FBXO2: variants seen among roughly 807,000 people sequenced by gnomAD.
FBXO2 encodes F-box protein 2, also known as F-box only protein 2.
In FBXO2, 32 loss-of-function variants were observed where a neutral mutation model predicts 38.6. That is an observed-to-expected ratio of 0.83 (90% CI 0.62 to 1.11). The LOEUF (loss-of-function observed/expected upper bound fraction) is 1.11. Among genes scored for constraint, FBXO2 ranks in the 50% most tolerant of loss-of-function variants. The pLI is 0.00. For synonymous variants in FBXO2, 189 were observed against 182.9 expected (o/e 1.03, Z -0.27); for missense variants, 450 against 418.3 (o/e 1.08, Z -0.66).
rs766585443 is a variant in FBXO2, at chr1:11,648,736, G to A, written c.849C>T (p.Phe283=). The A allele has an allele frequency of 6.2e-7, 1 of 1,613,496 alleles. No individual in the cohort carries two copies. ...GQDSVYWKGW[F]GARVTNSSVW... is the part of the protein sequence containing the mutation. ...CGCTGCTGTTGGTCACCCGGGCCCC[G>A]AACCAGCCCTTCCAGTAGACGGAGT... Residue 283 remains phenylalanine, a synonymous_variant, in exon 6 of 6, where the codon TTC becomes TTT. Transcript: ENST00000354287. The surrounding 1 kb of genome is among the most constrained non-coding windows in gnomAD (Gnocchi z 4.2).
At chr1:11,651,526 C>T (rs1639520083) in intron 1 of FBXO2, among the ~76,000 whole-genome samples, 1 of 152,108 alleles carries the variant, frequency 6.6e-6, no homozygotes. Context: ...TATTGCTGTT[C>T]TTATTGCATT....
intron 4 of FBXO2, 33 bp from the exon 5 acceptor site, chr1:11,649,258 G>C: frequency 3.6e-6 from 5 of 1,406,680 alleles, no homozygotes; most frequent in Non-Finnish European, 4.8e-6. Context: ...GTGGGGGGCG[G>C]GAGGTGGGGT....
rs1047466466 is a variant in FBXO2 at position 11,650,391 on chromosome 1, C to T, written c.391+75G>A. The T allele has an allele frequency of 3.3e-6, 5 of 1,533,888 alleles. No homozygotes were observed. In the African/African-American group the frequency reaches 5.4e-5, roughly 17 times the overall value. On this transcript the variant is annotated intron_variant, in intron 2 of 5. Coordinates refer to ENST00000354287, the MANE Select transcript of FBXO2 (RefSeq NM_012168.6). ...GCCAGGCGCTTAATCCCATTTCTCC[C>T]TCAAAGCCAGGCGGCGCCGTTTCGG... is the stretch of plus-strand genomic sequence containing the variant.
rs373387055 is a variant in FBXO2 at position 11,649,809 on chromosome 1, G to T, written c.587C>A (p.Thr196Lys). 8.7e-6 allele frequency: 14 copies of T among 1,613,834 alleles called. No individual in the cohort carries two copies. The highest frequency in any genetic ancestry group is 1.3e-5 in the African/African-American group (1 of 74,918). The change falls in exon 4 of 6, where the codon ACG becomes AAG. Residue 196 changes from threonine to lysine, a missense_variant. Thr to Lys is a moderately conservative substitution (Grantham distance 78). Coordinates refer to ENST00000354287, the MANE Select transcript of FBXO2 (RefSeq NM_012168.6). Reference protein sequence around the residue: ...AEGYWEELLDTTQPAIVVKDW... With the variant: ...AEGYWEELLDKTQPAIVVKDW... ...CTTCACCACGATGGCCGGCTGAGTC[G>T]TGTCCAGCAGCTCCTCCCAGTAGCC...
Position 11,648,920 on chromosome 1 carries a change from C to A in FBXO2, c.757-92G>T. On this transcript the variant is annotated intron_variant, in intron 5 of 5. Transcript: ENST00000354287. This position sits in a 1 kb window ranked among gnomAD's most constrained non-coding sequence, Gnocchi z 4.2. Reference sequence around the variant, plus strand: ...TACACCGACCGACCTGCAGCTCCCCCACTCGGTTTCTCCGCGGTATTCAGA... The same window carrying A: ...TACACCGACCGACCTGCAGCTCCCCAACTCGGTTTCTCCGCGGTATTCAGA... 5.1e-6 allele frequency: 8 copies of A among 1,557,664 alleles called. No individual in the cohort carries two copies. Among genetic ancestry groups the A allele is most frequent in the Non-Finnish European group, 7.0e-6 (8 of 1,141,638 alleles).
Position 11,648,751 on chromosome 1 carries a change from G to A in FBXO2, c.834C>T (p.Tyr278=), listed in dbSNP as rs755460999. 5.0e-6 allele frequency: 8 copies of A among 1,613,666 alleles called. No homozygotes were observed. In the South Asian group the frequency reaches 6.6e-5, roughly 13 times the overall value. The change falls in exon 6 of 6, where the codon TAC becomes TAT. Residue 278 remains tyrosine (Y), a synonymous_variant. Coordinates refer to ENST00000354287, the MANE Select transcript of FBXO2 (RefSeq NM_012168.6). This position sits in a 1 kb window ranked among gnomAD's most constrained non-coding sequence, Gnocchi z 4.2. Reference sequence around the variant, plus strand: ...CCCGGGCCCCGAACCAGCCCTTCCAGTAGACGGAGTCCTGCCCCCCGTGCT... The same window carrying A: ...CCCGGGCCCCGAACCAGCCCTTCCAATAGACGGAGTCCTGCCCCCCGTGCT... ...RFEHGGQDSV[Y]WKGWFGARVT...
intron 2 of FBXO2, 144 bp downstream of exon 2, chr1:11,650,322 C>A: frequency 7.0e-7 from 1 of 1,422,752 alleles, no homozygotes; most frequent in South Asian, 1.4e-5. Flanking sequence ...GGCCAGAGAG[C>A]TACAGTAATA....
intron 1 of FBXO2, among the ~76,000 whole-genome samples, chr1:11,651,242 C>T (rs956065211): frequency 6.6e-6 from 1 of 152,182 alleles, no homozygotes; most frequent in Non-Finnish European, 1.5e-5. Context: ...GGGACTTCCC[C>T]CTATGACACC....
intron 1 of FBXO2, among the ~76,000 whole-genome samples, chr1:11,651,979 G>A (rs182395706): frequency 1.1e-4 from 17 of 152,292 alleles, no homozygotes; most frequent in Admixed American, 3.9e-4. Flanking sequence ...GATTAAAGGC[G>A]TCAGCCACCA....
chr1:11,651,492 A>C (rs1639519571), intron 1 of FBXO2, among the ~76,000 whole-genome samples: 1 of 152,146 alleles, frequency 6.6e-6, no homozygotes, highest in Non-Finnish European at 1.5e-5. Context: ...TTAAATCCTC[A>C]TACCACTTCT....
Position 11,654,400 on chromosome 1 carries a change from G to A in FBXO2, c.-60C>T. ...AGCGCTGCGGGCTGCGCGAGTCCCG[G>A]GGCGGCGAGTCCCGGCGCTGTCCGC... is the stretch of plus-strand genomic sequence containing the variant. On this transcript the variant is annotated 5_prime_UTR_variant, in exon 1 of 6. Coordinates refer to ENST00000354287, the MANE Select transcript of FBXO2 (RefSeq NM_012168.6). The A allele has an allele frequency of 1.5e-6, 2 of 1,334,790 alleles. No homozygotes were observed. The highest frequency in any genetic ancestry group is 1.9e-6 in the Non-Finnish European group (2 of 1,044,758). 82.7% of individuals were successfully genotyped at this position (1,334,790 alleles called of 1,614,324 possible).
At chr1:11,649,355 C>T in intron 4 of FBXO2, 130 bp from the exon 5 acceptor site, 1 of 734,390 alleles carries the variant, frequency 1.4e-6, no homozygotes. Flanking sequence ...TCCCTGTCAG[C>T]CAGCACTGCC....
intron 2 of FBXO2, 88 bp from the exon 3 acceptor site, chr1:11,650,162 TC>T: frequency 6.4e-7 from 1 of 1,562,408 alleles, no homozygotes; most frequent in Non-Finnish European, 8.7e-7. Context: ...AGGGCAAAGG[TC>T]GCACTTGGTG....
chr1:11,651,430 G>A (rs1639518842), intron 1 of FBXO2, among the ~76,000 whole-genome samples: 1 of 152,186 alleles, frequency 6.6e-6, no homozygotes, highest in South Asian at 2.1e-4. Flanking sequence ...TGTTTTGGGG[G>A]CACTCATCAA....
chr1:11,649,834 C>T lies in FBXO2; in HGVS notation c.562G>A (p.Gly188Ser). The change falls in exon 4 of 6, where the codon GGC becomes AGC. Residue 188 changes from glycine to serine, a missense_variant. Coordinates refer to ENST00000354287, the MANE Select transcript of FBXO2 (RefSeq NM_012168.6). ...KAQVIDLQAE[G>S]YWEELLDTTQ... ...GTGTCCAGCAGCTCCTCCCAGTAGC[C>T]CTCAGCCTGCAGGTCAATGACCTGT... is the stretch of plus-strand genomic sequence containing the variant. 6.2e-7 allele frequency: 1 copy of T among 1,614,022 alleles called. No homozygotes were observed. The highest frequency in any genetic ancestry group is 8.5e-7 in the Non-Finnish European group (1 of 1,180,026).
chr1:11,649,268 TG>T (rs774725222), intron 4 of FBXO2, 43 bp from the exon 5 acceptor site: 3 of 401,620 alleles, frequency 7.5e-6, no homozygotes, highest in African/African-American at 4.6e-5. Context: ...GGAGGTGGGG[TG>T]GGGGCATGGC....
At position 11,650,446 on chromosome 1, in the gene FBXO2, G is replaced by A; in HGVS notation, c.391+20C>T. On this transcript the variant is annotated intron_variant, in intron 2 of 5. Transcript: ENST00000354287. Reference sequence around the variant, plus strand: ...TTTCGCAGCAGGGGAAGCTGAGCTCGCCCAGCGAGGGCCTCTCACCTTCCC... The same window carrying A: ...TTTCGCAGCAGGGGAAGCTGAGCTCACCCAGCGAGGGCCTCTCACCTTCCC... 4 of 1,601,650 alleles carry A rather than the reference G, an allele frequency of 2.5e-6. No homozygotes were observed. Among genetic ancestry groups the A allele is most frequent in the Non-Finnish European group, 2.6e-6 (3 of 1,174,030 alleles).
chr1:11,654,225 G>T lies in FBXO2; in HGVS notation c.22+94C>A, dbSNP rs974822072. 3.7e-6 allele frequency: 5 copies of T among 1,354,980 alleles called. No homozygotes were observed. In the African/African-American group the frequency reaches 7.7e-5, roughly 21 times the overall value. 83.9% of individuals were successfully genotyped at this position (1,354,980 alleles called of 1,614,324 possible). A position where few individuals can be genotyped will look rare whatever the true frequency, so the allele number is the denominator to read the frequency against. On this transcript the variant is annotated intron_variant, in intron 1 of 5. Transcript: ENST00000354287. Reference sequence around the variant, plus strand: ...GAAAGTTTGCCGCGCCAGGTCTCCGGGTCCCCTCGCTCTCTGACGCCCCTC... The same window carrying T: ...GAAAGTTTGCCGCGCCAGGTCTCCGTGTCCCCTCGCTCTCTGACGCCCCTC...
chr1:11,653,982 G>C (rs1020356364), intron 1 of FBXO2: 4 of 296,944 alleles, frequency 1.3e-5, no homozygotes, highest in Non-Finnish European at 1.9e-5. Flanking sequence ...TGAAAGAAAA[G>C]GCTCGCAGCC....
Sources: allele counts gnomAD v4.1 joint callset (sites outside exome capture counted in the v4.1 genomes callset), GRCh38; gene constraint gnomAD v4.1.1; non-coding constraint Gnocchi (gnomAD v3.1); transcripts MANE v1.5; gene names NCBI Gene and HGNC (gene_info 2026-07-23, HGNC 2026-07-21).